The following SPON1 variants were observed in gnomAD, a reference collection of about 807,000 sequenced individuals.
SPON1 encodes the protein spondin 1, also known as spondin-1.
SPON1 carries 52 observed loss-of-function variants against 111.7 expected under a neutral mutation model. That is an observed-to-expected ratio of 0.47 (90% CI 0.37 to 0.59). SPON1 has a LOEUF of 0.59. Among genes scored for constraint, SPON1 ranks in the 20% least tolerant of loss-of-function variants. The probability of loss-of-function intolerance (pLI) is 0.00; values close to 1 mark genes in which losing one functional copy is unlikely to be tolerated. For missense variants in SPON1, 957 were observed against 1,068.5 expected, an observed-to-expected ratio of 0.90 and a Z score of 1.46; for synonymous variants, 410 against 395.8, an observed-to-expected ratio of 1.04 and a Z score of -0.43.
chr11:14,263,956 G>A lies in SPON1; in HGVS notation c.2260+981G>A, dbSNP rs551689888. Among the ~76,000 whole-genome samples the A allele has an allele frequency of 2.6e-5, 4 of 151,990 alleles. No homozygotes were observed. The East Asian group carries it at 5.8e-4, about 22-fold the overall frequency. On this transcript the variant is annotated intron_variant, in intron 15 of 15. Transcript: ENST00000576479. ...AAGCAGGAGAATCACTTGAACTGGG[G>A]AGGCAGAGGTTGCAGTGAGCCAAGA...
chr11:14,224,808 T>C (rs1591417587), intron 6 of SPON1: 1 of 426,072 alleles, frequency 2.3e-6, no homozygotes, highest in Non-Finnish European at 4.6e-6. Flanking sequence ...TTGGGCTCCA[T>C]GCTGAACAAA....
intron 5 of SPON1, among the ~76,000 whole-genome samples, chr11:14,115,359 G>A (rs1001479008): frequency 1.3e-5 from 2 of 152,158 alleles, no homozygotes; most frequent in African/African-American, 2.4e-5. Context: ...ATGTGAACAC[G>A]TTCATTTCAC....
Position 14,262,705 on chromosome 11 carries a change from T to C in SPON1, c.1997-7T>C. On this transcript the variant is annotated splice_polypyrimidine_tract_variant and splice_region_variant and intron_variant, in intron 14 of 15. Transcript: ENST00000576479. ...TGATACACTCATGCCCATCTGTGTC[T>C]TGCCAGCCATTGACTGTGAGCTCAC... is the stretch of plus-strand genomic sequence containing the variant. 6.2e-7 allele frequency: 1 copy of C among 1,613,888 alleles called. No individual in the cohort carries two copies. Among genetic ancestry groups the C allele is most frequent in the Non-Finnish European group, 8.5e-7 (1 of 1,179,852 alleles).
Position 14,259,444 on chromosome 11 carries a change from G to A in SPON1, c.1657G>A (p.Glu553Lys), listed in dbSNP as rs781851010. ...EETEKCTVNE[E>K]CSPSSCLMTE... is the part of the protein sequence containing the mutation. ...AACGGAGAAGTGCACGGTCAACGAG[G>A]AGTGCTGTGAGTGGGGGCCCCGGGC... The change falls in exon 12 of 16, where the codon GAG becomes AAG. Residue 553 changes from glutamate (E) to lysine (K), a missense_variant. By Grantham distance (56) the Glu-to-Lys change is moderately conservative. Transcript: ENST00000576479. This position sits in a 1 kb window ranked among gnomAD's most constrained non-coding sequence, Gnocchi z 5.0. 2 of 1,607,238 alleles carry A rather than the reference G, an allele frequency of 1.2e-6. No individual in the cohort carries two copies. Among genetic ancestry groups the A allele is most frequent in the Non-Finnish European group, 1.7e-6 (2 of 1,177,120 alleles).
intron 2 of SPON1, among the ~76,000 whole-genome samples, chr11:13,996,749 T>G (rs1848275831): frequency 1.3e-5 from 2 of 151,664 alleles, no homozygotes; most frequent in Non-Finnish European, 2.9e-5. Context: ...ATATATAATT[T>G]TTGAACAGAA....
At chr11:14,022,308 A>G (rs1428881762) in intron 2 of SPON1, among the ~76,000 whole-genome samples, 1 of 152,240 alleles carries the variant, frequency 6.6e-6, no homozygotes, top group Non-Finnish European at 1.5e-5. Context: ...TGTTGTTAAC[A>G]TATTACAATT....
intron 3 of SPON1, among the ~76,000 whole-genome samples, chr11:14,065,080 C>A (rs1848821779): frequency 6.6e-6 from 1 of 152,292 alleles, no homozygotes; most frequent in African/African-American, 2.4e-5. Context: ...CCTCCCACAC[C>A]TCCAACCCCA....
chr11:14,084,732 C>T (rs1848991893), intron 5 of SPON1, among the ~76,000 whole-genome samples: 1 of 152,196 alleles, frequency 6.6e-6, no homozygotes, highest in South Asian at 2.1e-4. Flanking sequence ...ACACTGTGTT[C>T]CACAATGGTT....
At chr11:14,146,446 G>A (rs1847720022) in intron 6 of SPON1, among the ~76,000 whole-genome samples, 1 of 151,908 alleles carries the variant, frequency 6.6e-6, no homozygotes, top group Admixed American at 6.6e-5. Flanking sequence ...CACCACACCT[G>A]GCCTACTGTA....
chr11:13,964,880 C>T (rs908600321), intron 1 of SPON1, among the ~76,000 whole-genome samples: 5 of 152,142 alleles, frequency 3.3e-5, no homozygotes, highest in African/African-American at 9.7e-5. Flanking sequence ...CCCCGCTCCA[C>T]GTAGCAGAGA....
At chr11:14,104,390 T>C (rs1849169872) in intron 5 of SPON1, among the ~76,000 whole-genome samples, 1 of 152,040 alleles carries the variant, frequency 6.6e-6, no homozygotes, top group Non-Finnish European at 1.5e-5. Flanking sequence ...ATTTGTTTGG[T>C]TTGGGTTTTG....
At chr11:14,197,007 A>G (rs1848409670) in intron 6 of SPON1, among the ~76,000 whole-genome samples, 1 of 152,166 alleles carries the variant, frequency 6.6e-6, no homozygotes, top group South Asian at 2.1e-4. Context: ...CAGAGATGGC[A>G]CCACTGCACT....
At chr11:14,140,497 C>T (rs535460339) in intron 6 of SPON1, among the ~76,000 whole-genome samples, 1 of 152,094 alleles carries the variant, frequency 6.6e-6, no homozygotes, top group Admixed American at 6.5e-5. Flanking sequence ...TGGGTTCAAG[C>T]GATTCTCCTG....
At chr11:14,249,876 T>C (rs1554940539) in intron 7 of SPON1, among the ~76,000 whole-genome samples, 2 of 152,202 alleles carry the variant, frequency 1.3e-5, no homozygotes, top group African/African-American at 4.8e-5. Flanking sequence ...ATGTAGTAAT[T>C]GCAAAGAAAG....
Position 14,173,364 on chromosome 11 carries a change from C to G in SPON1, c.825+37796C>G, listed in dbSNP as rs1031186898. On this transcript the variant is annotated intron_variant, in intron 6 of 15. Transcript: ENST00000576479. ...TCCATCAGGTCCTTTAAGGACTTCT[C>G]TCCATTGGTTATTCTAGTTAGCCAT... Among the ~76,000 whole-genome samples, 7 of 152,294 alleles carry G rather than the reference C, an allele frequency of 4.6e-5. No individual in the cohort carries two copies. The East Asian group carries it at 1.4e-3, about 29-fold the overall frequency.
intron 5 of SPON1, among the ~76,000 whole-genome samples, chr11:14,127,231 A>G (rs1847470156): frequency 6.6e-6 from 1 of 150,662 alleles, no homozygotes; most frequent in Non-Finnish European, 1.5e-5. Context: ...TGAGATTGAG[A>G]GTGACTAACT....
Position 14,262,787 on chromosome 11 carries a change from G to A in SPON1, c.2072G>A (p.Arg691Gln), listed in dbSNP as rs782313864. 25 of 1,613,822 alleles carry A rather than the reference G, an allele frequency of 1.5e-5. No homozygotes were observed. The highest frequency in any genetic ancestry group is 1.5e-4 in the South Asian group (14 of 91,078). ...TCATGTGGGAAAGGCCACGTGATTC[G>A]AACCCGGATGATCCAAATGGAGCCT... ...NKSCGKGHVI[R>Q]TRMIQMEPQF... Residue 691 changes from arginine to glutamine, a missense_variant, in exon 15 of 16, where the codon CGA (arginine) becomes CAA (glutamine). Physicochemically the swap from Arg to Gln is conservative, Grantham distance 43. This residue lies in a region of SPON1 where 549 missense variants were observed against 606.2 expected (regional missense o/e 0.91). Transcript: ENST00000576479.
chr11:14,189,747 A>G (rs1322655028), intron 6 of SPON1, among the ~76,000 whole-genome samples: 2 of 152,234 alleles, frequency 1.3e-5, no homozygotes, highest in African/African-American at 4.8e-5. Flanking sequence ...TTTTGATGTC[A>G]AAGTTTATTT....
intron 2 of SPON1, among the ~76,000 whole-genome samples, chr11:13,987,773 T>C (rs906901081): frequency 6.6e-6 from 1 of 152,264 alleles, no homozygotes; most frequent in Non-Finnish European, 1.5e-5. Context: ...TGCATATGGC[T>C]AGCCATTTTT....
Sources: gnomAD v4.1 joint callset for allele counts (sites outside exome capture counted in the v4.1 genomes callset) on GRCh38, gnomAD v4.1.1 for gene constraint, gnomAD v4.1.1 regional missense constraint, Gnocchi (gnomAD v3.1) non-coding constraint, MANE v1.5 for transcripts, NCBI Gene and HGNC (gene_info 2026-07-23, HGNC 2026-07-21) for gene names.